Variants in RPTOR observed in about 807,000 individuals in gnomAD.
The protein encoded by RPTOR is regulatory associated protein of MTOR complex 1.
RPTOR carries 21 observed loss-of-function variants against 169.9 expected under a neutral mutation model. That is an observed-to-expected ratio of 0.12 (90% CI 0.09 to 0.18). The LOEUF is 0.18. RPTOR is among the 10% of genes least tolerant of loss of function. The pLI, the probability that RPTOR is intolerant of heterozygous loss-of-function variation, is 1.00. For missense variants in RPTOR, 1,133 were observed against 1,855.9 expected (o/e 0.61, Z 7.16); for synonymous variants, 732 against 753.2 (o/e 0.97, Z 0.46).
At chr17:80,718,971 A>G (rs921900992) in intron 4 of RPTOR, among the ~76,000 whole-genome samples, 12 of 152,190 alleles carry the variant, frequency 7.9e-5, no homozygotes, top group African/African-American at 2.9e-4. Context: ...GGCGACCCTC[A>G]GGACCTTCCT....
chr17:80,928,137 C>T (rs2068834667), intron 24 of RPTOR, among the ~76,000 whole-genome samples: 2 of 152,104 alleles, frequency 1.3e-5, no homozygotes, highest in African/African-American at 2.4e-5. Flanking sequence ...GTGTTGTGGT[C>T]GGCGTCGTCT....
rs1056144445 is a variant in RPTOR, at chr17:80,562,801, CAA to C, written c.162+17012_162+17013del. ...CTTGTCTCAAAACAAAAAACAAAAA[CAA>C]AGTAGATCGGACAAGCAGTTTAAAG... On this transcript the variant is annotated intron_variant, in intron 1 of 33. Transcript: ENST00000306801. The surrounding 1 kb of genome is among the most constrained non-coding windows in gnomAD (Gnocchi z 4.4). 6.6e-6 allele frequency among the ~76,000 whole-genome samples: 1 copy of C among 152,106 alleles called. No homozygotes were observed. The highest frequency in any genetic ancestry group is 2.4e-5 in the African/African-American group (1 of 41,422).
At chr17:80,634,255 C>CGTGCATACCGTGT (rs2065468385) in intron 2 of RPTOR, among the ~76,000 whole-genome samples, 1 of 26,438 alleles carries the variant, frequency 3.8e-5, no homozygotes, top group Admixed American at 3.0e-4. Flanking sequence ...ATACTGTATG[C>CGTGCATACCGTGT]GTGCATACCG....
chr17:80,688,633 G>A (rs763783557), intron 3 of RPTOR, among the ~76,000 whole-genome samples: 2 of 152,338 alleles, frequency 1.3e-5, no homozygotes, highest in Non-Finnish European at 2.9e-5. Context: ...GGTTCCACTG[G>A]CCTGACTTGA....
At chr17:80,630,812 G>A (rs1269552048) in intron 2 of RPTOR, among the ~76,000 whole-genome samples, 2 of 152,202 alleles carry the variant, frequency 1.3e-5, no homozygotes, top group Admixed American at 1.3e-4. Flanking sequence ...CCTGAGCTGT[G>A]CCTGCCCACG....
Position 80,878,589 on chromosome 17 carries a change from G to A in RPTOR, c.1510-1826G>A, listed in dbSNP as rs2068149259. On this transcript the variant is annotated intron_variant, in intron 13 of 33. Coordinates refer to ENST00000306801, the MANE Select transcript of RPTOR (RefSeq NM_020761.3). This position sits in a 1 kb window ranked among gnomAD's most constrained non-coding sequence, Gnocchi z 4.1. ...TCTCGAACTCCTGACCTTGTGACCC[G>A]CCTGTCTCAGCCTCCCAAAGTGCTG... Among the ~76,000 whole-genome samples the A allele has an allele frequency of 2.0e-5, 3 of 151,938 alleles. No homozygotes were observed. The highest frequency in any genetic ancestry group is 4.4e-5 in the Non-Finnish European group (3 of 67,976).
intron 1 of RPTOR, among the ~76,000 whole-genome samples, chr17:80,568,083 G>A (rs4890045): frequency 0.97 from 146,722 of 151,858 alleles, 70,896 homozygotes; most frequent in East Asian, 1. Flanking sequence ...ATTTTTTTGT[G>A]TTTTTAGTAG....
chr17:80,578,884 G>A (rs1408311940), intron 1 of RPTOR, among the ~76,000 whole-genome samples: 3 of 152,204 alleles, frequency 2.0e-5, no homozygotes, highest in Admixed American at 6.5e-5. Context: ...GGGGGCGGCC[G>A]GCAGCTGGGA....
intron 7 of RPTOR, among the ~76,000 whole-genome samples, chr17:80,806,429 T>C (rs1482234259): frequency 6.6e-6 from 1 of 152,188 alleles, no homozygotes; most frequent in Non-Finnish European, 1.5e-5. Flanking sequence ...TTGGTTTGCT[T>C]TTTTGTTTCT....
chr17:80,668,798 A>G (rs776776980), intron 3 of RPTOR, among the ~76,000 whole-genome samples: 12 of 152,244 alleles, frequency 7.9e-5, no homozygotes, highest in Non-Finnish European at 1.6e-4. Flanking sequence ...GCTGGAGTTT[A>G]GTCTCAGGAC....
chr17:80,799,306 C>G (rs74001057), intron 7 of RPTOR, among the ~76,000 whole-genome samples: 2,193 of 152,358 alleles, frequency 0.014, 49 homozygotes, highest in African/African-American at 0.051. Flanking sequence ...CCCACCACAA[C>G]ACAGCACCTA....
At chr17:80,892,190 C>T (rs2068333751) in intron 18 of RPTOR, among the ~76,000 whole-genome samples, 1 of 152,254 alleles carries the variant, frequency 6.6e-6, no homozygotes, top group Admixed American at 6.5e-5. Flanking sequence ...CTCCGTGGCT[C>T]GGTGAGTCAT....
At chr17:80,692,282 ATG>A (rs2065999362) in intron 3 of RPTOR, among the ~76,000 whole-genome samples, 5 of 14,706 alleles carry the variant, frequency 3.4e-4, no homozygotes, top group African/African-American at 6.0e-4. Context: ...TGGCTACGTT[ATG>A]TTATGTTATG....
chr17:80,884,048 G>A, intron 16 of RPTOR, 76 bp downstream of exon 16: 1 of 1,471,210 alleles, frequency 6.8e-7, no homozygotes, highest in Non-Finnish European at 9.2e-7. Context: ...CTGCTCGCGT[G>A]CGGGTGTGGC....
chr17:80,937,855 C>T (rs774763836), intron 24 of RPTOR, among the ~76,000 whole-genome samples: 16 of 152,350 alleles, frequency 1.1e-4, no homozygotes, highest in Non-Finnish European at 2.1e-4. Flanking sequence ...CTCCATCCAC[C>T]GCTCTCCCTC....
At chr17:80,874,004 A>C (rs1223029331) in intron 13 of RPTOR, among the ~76,000 whole-genome samples, 1 of 152,194 alleles carries the variant, frequency 6.6e-6, no homozygotes, top group Admixed American at 6.5e-5. Flanking sequence ...TAAGGATTAC[A>C]TGTAGGGGCA....
intron 1 of RPTOR, among the ~76,000 whole-genome samples, chr17:80,550,482 C>A (rs2143206652): frequency 6.6e-6 from 1 of 152,280 alleles, no homozygotes; most frequent in Admixed American, 6.5e-5. Context: ...CTCATCGGGG[C>A]CCATGATTTT....
intron 2 of RPTOR, among the ~76,000 whole-genome samples, chr17:80,632,276 T>C (rs894018506): frequency 6.6e-6 from 1 of 152,222 alleles, no homozygotes; most frequent in Non-Finnish European, 1.5e-5. Flanking sequence ...CAGCAATGCT[T>C]ATGTTAGGCT....
rs1270402096 is a variant in RPTOR at position 80,746,143 on chromosome 17, CAA to C, written c.655-7866_655-7865del. ...TGCCATTGCCCTCCAGCCTGGGTGA[CAA>C]GAGCAAACCTCCATCTCAAAAAAAA... On this transcript the variant is annotated intron_variant, in intron 5 of 33. Transcript: ENST00000306801. The surrounding 1 kb of genome is among the most constrained non-coding windows in gnomAD (Gnocchi z 4.5). Among the ~76,000 whole-genome samples, 2 of 144,436 alleles carry C rather than the reference CAA, an allele frequency of 1.4e-5. No homozygotes were observed. The highest frequency in any genetic ancestry group is 5.1e-5 in the African/African-American group (2 of 39,358). The allele number at this position is 144,436 out of a possible 152,430, so 94.8% of individuals were successfully genotyped here.
Sources: allele counts gnomAD v4.1 joint callset (sites outside exome capture counted in the v4.1 genomes callset), GRCh38; gene constraint gnomAD v4.1.1; non-coding constraint Gnocchi (gnomAD v3.1); transcripts MANE v1.5; gene names NCBI Gene and HGNC (gene_info 2026-07-23, HGNC 2026-07-21).